Variants in ERICH5 observed in about 807,000 individuals in gnomAD.
ERICH5 encodes the protein glutamate rich 5.
Under a neutral mutation model 28.0 loss-of-function variants are expected in ERICH5, and 24 were observed. That is an observed-to-expected ratio of 0.86 (90% CI 0.62 to 1.21). The LOEUF is 1.21. Among genes scored for constraint, ERICH5 ranks in the 50% most tolerant of loss-of-function variants. The pLI, the probability that ERICH5 is intolerant of heterozygous loss-of-function variation, is 0.00. For synonymous variants in ERICH5, 163 were observed against 157.6 expected, an observed-to-expected ratio of 1.03 and a Z score of -0.25; for missense variants, 421 against 441.2, an observed-to-expected ratio of 0.95 and a Z score of 0.41.
chr8:98,073,453 T>C (rs1423368669), intron 1 of ERICH5, among the ~76,000 whole-genome samples: 2 of 11,388 alleles, frequency 1.8e-4, no homozygotes, highest in African/African-American at 7.4e-4. Flanking sequence ...TATATATATA[T>C]ATATATGTAT....
rs1217190050 is a variant in ERICH5 at position 98,093,195 on chromosome 8, A to G, written c.1013-26A>G. ...TGTTAATTCTAAATAAATGTCTCTTAGTATCTCCTTTGGTTACTTTTCCAG... is the reference window on the plus strand; with the variant it reads ...TGTTAATTCTAAATAAATGTCTCTTGGTATCTCCTTTGGTTACTTTTCCAG... On this transcript the variant is annotated intron_variant, in intron 2 of 2. Transcript: ENST00000318528. 6.8e-6 allele frequency: 10 copies of G among 1,467,222 alleles called. No homozygotes were observed. In the East Asian group the frequency reaches 2.0e-4, roughly 30 times the overall value. The allele number at this position is 1,467,222 out of a possible 1,614,324, so 90.9% of individuals were successfully genotyped here. A position where few individuals can be genotyped will look rare whatever the true frequency, so the allele number is the denominator to read the frequency against.
intron 1 of ERICH5, among the ~76,000 whole-genome samples, chr8:98,065,204 C>T (rs1814799241): frequency 6.6e-6 from 1 of 152,146 alleles, no homozygotes; most frequent in South Asian, 2.1e-4. Flanking sequence ...GGTAACAAAG[C>T]GAGATCTTCC....
rs141938807 is a variant in ERICH5 at position 98,070,542 on chromosome 8, A to G, written c.58+5815A>G. On this transcript the variant is annotated intron_variant, in intron 1 of 2. Transcript: ENST00000318528. ...GTGTGGTGGCTAATTTTTTACTGGT[A>G]TGCTGATGCCTGTAATCCCAGCTAC... 3.5e-3 allele frequency among the ~76,000 whole-genome samples: 519 copies of G among 149,846 alleles called. 5 individuals carry two copies. The highest frequency in any genetic ancestry group is 0.012 in the African/African-American group (478 of 40,850).
intron 1 of ERICH5, among the ~76,000 whole-genome samples, chr8:98,080,742 G>T (rs1815168717): frequency 8.7e-6 from 1 of 115,240 alleles, no homozygotes; most frequent in Non-Finnish European, 1.6e-5. Flanking sequence ...TTCCTCTGTT[G>T]CCCAGGCTGG....
At chr8:98,074,992 C>T (rs1815022192) in intron 1 of ERICH5, among the ~76,000 whole-genome samples, 2 of 152,134 alleles carry the variant, frequency 1.3e-5, no homozygotes, top group South Asian at 4.1e-4. Flanking sequence ...TTTGATGACT[C>T]TGACAGTTTT....
chr8:98,084,580 C>T, intron 1 of ERICH5, among the ~76,000 whole-genome samples: 1 of 151,672 alleles, frequency 6.6e-6, no homozygotes, highest in South Asian at 2.1e-4. Context: ...TGGGTTTCAC[C>T]ATGTTGGCCA....
intron 2 of ERICH5, among the ~76,000 whole-genome samples, 183 bp from the exon 3 acceptor site, chr8:98,093,038 T>G (rs575935588): frequency 8.5e-5 from 13 of 152,188 alleles, no homozygotes; most frequent in African/African-American, 3.1e-4. Flanking sequence ...CCTCCCAATG[T>G]GTTGGATTAC....
Position 98,089,949 on chromosome 8 carries a change from C to A in ERICH5, c.932C>A (p.Pro311Gln). 1 of 1,614,180 alleles carries A rather than the reference C, an allele frequency of 6.2e-7. No individual in the cohort carries two copies. The highest frequency in any genetic ancestry group is 8.5e-7 in the Non-Finnish European group (1 of 1,180,046). Residue 311 changes from proline (P) to glutamine (Q), a missense_variant, in exon 2 of 3, where the codon CCA becomes CAA. Physicochemically the swap from Pro to Gln is moderately conservative, Grantham distance 76. Transcript: ENST00000318528. The part of the protein sequence containing the change: ...PEGIVGSMEH[P>Q]ARNVEAGAYV... ...GGAATAGTTGGAAGCATGGAGCATC[C>A]AGCACGAAATGTAGAGGCAGGAGCA...
At chr8:98,078,274 A>G (rs1161456191) in intron 1 of ERICH5, among the ~76,000 whole-genome samples, 1 of 152,222 alleles carries the variant, frequency 6.6e-6, no homozygotes. Context: ...GAATGGAATT[A>G]AGGCAAAAGC....
intron 1 of ERICH5, among the ~76,000 whole-genome samples, chr8:98,086,988 G>A (rs1815293709): frequency 6.6e-6 from 1 of 150,964 alleles, no homozygotes; most frequent in Non-Finnish European, 1.5e-5. Context: ...ATGTGTAATT[G>A]GAGAGAGTGG....
At chr8:98,070,921 G>A (rs1323557273) in intron 1 of ERICH5, among the ~76,000 whole-genome samples, 1 of 151,936 alleles carries the variant, frequency 6.6e-6, no homozygotes, top group African/African-American at 2.4e-5. Context: ...TCCTAGCTAT[G>A]CAGGAAAAGG....
At chr8:98,092,091 T>C (rs1025392442) in intron 2 of ERICH5, among the ~76,000 whole-genome samples, 4 of 146,930 alleles carry the variant, frequency 2.7e-5, no homozygotes, top group African/African-American at 1.0e-4. Flanking sequence ...CTCCAACTCC[T>C]GGACTGAAGG....
chr8:98,064,666 C>A lies in ERICH5; in HGVS notation c.-4C>A. ...GGCTGAGACAGGTGTCTGCGCTCCC[C>A]GCAATGGGCTGCTCCAGCAGCGCCC... On this transcript the variant is annotated 5_prime_UTR_variant, in exon 1 of 3. Transcript: ENST00000318528. 6.5e-7 allele frequency: 1 copy of A among 1,531,578 alleles called. No individual in the cohort carries two copies. 94.9% of individuals were successfully genotyped at this position (1,531,578 alleles called of 1,614,324 possible). A position where few individuals can be genotyped will look rare whatever the true frequency, so the allele number is the denominator to read the frequency against.
intron 2 of ERICH5, among the ~76,000 whole-genome samples, chr8:98,091,268 G>C (rs1024935863): frequency 2.0e-5 from 3 of 152,080 alleles, no homozygotes; most frequent in Non-Finnish European, 4.4e-5. Context: ...GCATTTTTTG[G>C]CATGCCTAAA....
At chr8:98,079,158 T>C (rs1022955979) in intron 1 of ERICH5, among the ~76,000 whole-genome samples, 16,588 of 95,538 alleles carry the variant, frequency 0.17, 1,262 homozygotes, top group Admixed American at 0.27. Context: ...TTCCTCTTTT[T>C]TTTTTTCCTT....
At chr8:98,074,743 T>C (rs2447518) in intron 1 of ERICH5, among the ~76,000 whole-genome samples, 94,474 of 151,296 alleles carry the variant, frequency 0.62, 29,668 homozygotes, top group East Asian at 0.69. Context: ...AGAGTTCTCA[T>C]ATACTGCACA....
intron 1 of ERICH5, among the ~76,000 whole-genome samples, chr8:98,083,225 A>G (rs1324947215): frequency 6.6e-6 from 1 of 152,180 alleles, no homozygotes; most frequent in African/African-American, 2.4e-5. Context: ...TGTAATAACA[A>G]TTTTACCAGA....
intron 1 of ERICH5, among the ~76,000 whole-genome samples, chr8:98,074,219 A>G (rs1045552199): frequency 3.3e-5 from 5 of 152,004 alleles, no homozygotes; most frequent in Non-Finnish European, 5.9e-5. Flanking sequence ...TAAAAAAGTA[A>G]ATTTATTTAA....
chr8:98,077,892 A>C (rs577923152), intron 1 of ERICH5, among the ~76,000 whole-genome samples: 3 of 152,188 alleles, frequency 2.0e-5, no homozygotes, highest in African/African-American at 7.2e-5. Context: ...TCTATATTTA[A>C]ATTTCAACAT....
Sources: allele counts gnomAD v4.1 joint callset (sites outside exome capture counted in the v4.1 genomes callset), GRCh38; gene constraint gnomAD v4.1.1; transcripts MANE v1.5; gene names NCBI Gene and HGNC (gene_info 2026-07-23, HGNC 2026-07-21).